TERT: variants seen among roughly 807,000 people sequenced by gnomAD.
TERT encodes telomerase reverse transcriptase, also known as telomerase catalytic subunit.
A neutral mutation model predicts 104.0 loss-of-function variants in TERT; 42 were observed. The observed-to-expected ratio is 0.40, with a 90% CI of 0.32 to 0.52. TERT has a LOEUF of 0.52. Ranked by LOEUF, TERT falls within the 20% of genes least tolerant of loss-of-function variation. The pLI is 0.43. For missense variants in TERT, 1,101 were observed against 1,610.3 expected (o/e 0.68, Z 5.41); for synonymous variants, 781 against 725.6 (o/e 1.08, Z -1.23).
chr5:1,282,073 G>C (rs1031249250), intron 3 of TERT, among the ~76,000 whole-genome samples: 3 of 151,426 alleles, frequency 2.0e-5, no homozygotes, highest in Non-Finnish European at 4.4e-5. Flanking sequence ...GGGCAACAGA[G>C]TGAGACTCCA....
chr5:1,291,540 G>C (rs1174330846), intron 2 of TERT, among the ~76,000 whole-genome samples: 1 of 96,220 alleles, frequency 1.0e-5, no homozygotes, highest in Non-Finnish European at 2.1e-5. Flanking sequence ...CACCCTACAC[G>C]TGACAGGGAC....
Position 1,288,455 on chromosome 5 carries a change from G to A in TERT, c.1573+4858C>T, listed in dbSNP as rs751365989. ...GCTGGCGGAGACACCGGCCCTCCAC[G>A]TGGGTCTCAGAGCAGGAGACAGACA... is the stretch of plus-strand genomic sequence containing the variant. On this transcript the variant is annotated intron_variant, in intron 2 of 15. Coordinates refer to ENST00000310581, the MANE Select transcript of TERT (RefSeq NM_198253.3). The surrounding 1 kb of genome is among the most constrained non-coding windows in gnomAD (Gnocchi z 5.3). 3.9e-5 allele frequency among the ~76,000 whole-genome samples: 6 copies of A among 152,182 alleles called. No individual in the cohort carries two copies. The highest frequency in any genetic ancestry group is 2.1e-4 in the South Asian group (1 of 4,832).
At chr5:1,253,866 G>T (rs1316449480) in intron 15 of TERT, 35 bp from the exon 16 acceptor site, 2 of 1,580,452 alleles carry the variant, frequency 1.3e-6, no homozygotes, top group Non-Finnish European at 1.7e-6. Flanking sequence ...TTCCAGAAGA[G>T]GCCAGAGGTG....
Position 1,257,798 on chromosome 5 carries a change from C to CGG in TERT, c.3032+798_3032+799dup, listed in dbSNP as rs1309242332. The stretch of plus-strand genomic sequence containing the variant: ...GTGTGCACGGTAATTCGCGCAGCCT[C>CGG]GGCCCTGGGTAACACAAATGCTCAC... On this transcript the variant is annotated intron_variant, in intron 13 of 15. Transcript: ENST00000310581. The surrounding 1 kb of genome is among the most constrained non-coding windows in gnomAD (Gnocchi z 5.6). Among the ~76,000 whole-genome samples the CGG allele has an allele frequency of 6.6e-6, 1 of 152,258 alleles. No homozygotes were observed. Among genetic ancestry groups the CGG allele is most frequent in the East Asian group, 1.9e-4 (1 of 5,194 alleles).
chr5:1,278,334 C>T (rs1016516478), intron 6 of TERT, among the ~76,000 whole-genome samples: 2 of 152,126 alleles, frequency 1.3e-5, no homozygotes, highest in African/African-American at 4.8e-5. Context: ...CACACACACA[C>T]CACAAATAGG....
intron 15 of TERT, 141 bp from the exon 16 acceptor site, chr5:1,253,972 C>A (rs1002651294): frequency 9.7e-6 from 9 of 926,724 alleles, no homozygotes. Context: ...AAGGGACAGA[C>A]ACCCCTCCAC....
At position 1,253,638 on chromosome 5, in the gene TERT, T is replaced by A; in HGVS notation, c.*90A>T. 1 of 1,119,546 alleles carries A rather than the reference T, an allele frequency of 8.9e-7. No individual in the cohort carries two copies. Among genetic ancestry groups the A allele is most frequent in the Non-Finnish European group, 1.3e-6 (1 of 758,668 alleles). The allele number at this position is 1,119,546 out of a possible 1,614,324, so 69.4% of individuals were successfully genotyped here. ...AGACTCCCAGCGGTGCGGGCCTGGG[T>A]GTGGGCCGCCCCTCCCTCCCTGGGA... On this transcript the variant is annotated 3_prime_UTR_variant, in exon 16 of 16. Coordinates refer to ENST00000310581, the MANE Select transcript of TERT (RefSeq NM_198253.3).
In TERT at chr5:1,294,853, G is replaced by T; in HGVS notation, c.137C>A (p.Ala46Asp). 6.9e-7 allele frequency: 1 copy of T among 1,457,662 alleles called. No individual in the cohort carries two copies. 90.3% of individuals were successfully genotyped at this position (1,457,662 alleles called of 1,614,324 possible). ...GCACTGGGCCACCAGCGCGCGGAAA[G>T]CCGCCGGGTCCCCGCGCTGCACCAG... ...WRLVQRGDPA[A>D]FRALVAQCLV... The change falls in exon 1 of 16, where the codon GCT (alanine) becomes GAT (aspartate). Residue 46 changes from alanine to aspartate, a missense_variant. This residue lies in a region of TERT where 87 missense variants were observed against 145.4 expected (regional missense o/e 0.60). Transcript: ENST00000310581.
chr5:1,291,736 C>G (rs1401495482), intron 2 of TERT, among the ~76,000 whole-genome samples: 2 of 151,242 alleles, frequency 1.3e-5, no homozygotes, highest in South Asian at 2.1e-4. Context: ...GGCAACGCCT[C>G]ACTCACCCTG....
chr5:1,271,262 G>T, intron 7 of TERT, 58 bp from the exon 8 acceptor site: 2 of 1,297,390 alleles, frequency 1.5e-6, no homozygotes, highest in South Asian at 2.4e-5. Flanking sequence ...AGACAGGCAG[G>T]ACCACGTGGC....
In TERT at chr5:1,282,533, C is replaced by T. The variant is rs1409442770; in HGVS notation, c.1665G>A (p.Glu555=). 2 of 1,614,046 alleles carry T rather than the reference C, an allele frequency of 1.2e-6. No individual in the cohort carries two copies. Among genetic ancestry groups the T allele is most frequent in the African/African-American group, 1.3e-5 (1 of 74,936 alleles). Residue 555 remains glutamate, a synonymous_variant, in exon 3 of 16, where the codon GAG becomes GAA. Transcript: ENST00000310581. ...TGACATAAAAGAAAGACCTGAGCAG[C>T]TCGACGACGTACACACTCATCAGCC... ...LHWLMSVYVV[E]LLRSFFYVTE...
rs1748390261 is a variant in TERT, at chr5:1,263,773, T to C, written c.2843+631A>G. Among the ~76,000 whole-genome samples, 1 of 152,212 alleles carries C rather than the reference T, an allele frequency of 6.6e-6. No individual in the cohort carries two copies. Among genetic ancestry groups the C allele is most frequent in the Admixed American group, 6.5e-5 (1 of 15,284 alleles). ...TTTCTGCATCTGTGTCCATCTTCAA[T>C]TCATTTGTGTCTGAGCCTGAGACGG... On this transcript the variant is annotated intron_variant, in intron 11 of 15. Coordinates refer to ENST00000310581, the MANE Select transcript of TERT (RefSeq NM_198253.3). The surrounding 1 kb of genome is among the most constrained non-coding windows in gnomAD (Gnocchi z 5.3).
At chr5:1,281,368 T>G (rs1036291187) in intron 3 of TERT, among the ~76,000 whole-genome samples, 2 of 151,824 alleles carry the variant, frequency 1.3e-5, no homozygotes, top group Non-Finnish European at 2.9e-5. Context: ...TCTGCAGACA[T>G]CCTGATTTGG....
chr5:1,268,728 A>T lies in TERT; in HGVS notation c.2469-95T>A, dbSNP rs553433898. The T allele has an allele frequency of 1.0e-5, 8 of 765,392 alleles. No homozygotes were observed. The East Asian group carries it at 2.2e-4, about 21-fold the overall frequency. 47.4% of individuals were successfully genotyped at this position (765,392 alleles called of 1,614,324 possible). ...CACACACAGACACAGAACCTCATAC[A>T]CACAAACGACACGTCTACCATTCAG... On this transcript the variant is annotated intron_variant, in intron 8 of 15. Transcript: ENST00000310581. This position sits in a 1 kb window ranked among gnomAD's most constrained non-coding sequence, Gnocchi z 5.5.
chr5:1,278,947 T>C lies in TERT; in HGVS notation c.2131-151A>G, dbSNP rs901788791. 5.9e-5 allele frequency: 67 copies of C among 1,144,198 alleles called. No individual in the cohort carries two copies. The South Asian group carries it at 8.8e-4, about 15-fold the overall frequency. The allele number at this position is 1,144,198 out of a possible 1,614,324, so 70.9% of individuals were successfully genotyped here. A position where few individuals can be genotyped will look rare whatever the true frequency, so the allele number is the denominator to read the frequency against. On this transcript the variant is annotated intron_variant, in intron 5 of 15. Coordinates refer to ENST00000310581, the MANE Select transcript of TERT (RefSeq NM_198253.3). ...AGGGCAGGGCGGGCTGTGTCCCCTCTCTGAGCCTCAGGACAGGAGACCCCT... is the reference window on the plus strand; with the variant it reads ...AGGGCAGGGCGGGCTGTGTCCCCTCCCTGAGCCTCAGGACAGGAGACCCCT...
intron 9 of TERT, 71 bp from the exon 10 acceptor site, chr5:1,266,606 G>A: frequency 2.4e-6 from 3 of 1,252,542 alleles, no homozygotes; most frequent in Non-Finnish European, 3.4e-6. Flanking sequence ...ACGAGGGACT[G>A]AATGTCAAAC....
In TERT at chr5:1,263,850, A is replaced by AC. The variant is rs534909220; in HGVS notation, c.2843+553dup. 4.1e-4 allele frequency among the ~76,000 whole-genome samples: 62 copies of AC among 151,282 alleles called. No homozygotes were observed. Among genetic ancestry groups the AC allele is most frequent in the East Asian group, 7.8e-4 (4 of 5,146 alleles). On this transcript the variant is annotated intron_variant, in intron 11 of 15. Transcript: ENST00000310581. The surrounding 1 kb of genome is among the most constrained non-coding windows in gnomAD (Gnocchi z 5.3). Reference sequence around the variant, plus strand: ...AACAAGACCCCAGAATTTTGTAGAGACCCCCCCCACACCATGGCCCTGTCC... The same window carrying AC: ...AACAAGACCCCAGAATTTTGTAGAGACCCCCCCCCACACCATGGCCCTGTCC...
rs1369638409 is a variant in TERT at position 1,294,496 on chromosome 5, T to G, written c.390A>C (p.Ala130=). 1.9e-6 allele frequency: 3 copies of G among 1,586,206 alleles called. No individual in the cohort carries two copies. The highest frequency in any genetic ancestry group is 1.7e-6 in the Non-Finnish European group (2 of 1,174,096). Residue 130 remains alanine (A), a synonymous_variant, in exon 2 of 16, where the codon GCA becomes GCC. Coordinates refer to ENST00000310581, the MANE Select transcript of TERT (RefSeq NM_198253.3). The stretch of plus-strand genomic sequence containing the variant: ...GCCCCCACGCCCCGCTCCCCCGCAG[T>G]GCGTCGGTCACCGTGTTGGGCAGGT... The part of the protein sequence containing the change: ...RSYLPNTVTD[A]LRGSGAWGLL...
At chr5:1,258,154 C>T (rs1213151786) in intron 13 of TERT, among the ~76,000 whole-genome samples, 1 of 152,242 alleles carries the variant, frequency 6.6e-6, no homozygotes, top group South Asian at 2.1e-4. Context: ...CTCTGCTGCA[C>T]CTTCCCGGGG....
Sources: allele counts gnomAD v4.1 joint callset (sites outside exome capture counted in the v4.1 genomes callset), GRCh38; gene constraint gnomAD v4.1.1; regional missense constraint gnomAD v4.1.1; non-coding constraint Gnocchi (gnomAD v3.1); transcripts MANE v1.5; gene names NCBI Gene and HGNC (gene_info 2026-07-23, HGNC 2026-07-21).